CGB5: variants seen among roughly 807,000 people sequenced by gnomAD.
CGB5 encodes the protein chorionic gonadotropin, beta polypeptide 5.
A neutral mutation model predicts 7.6 loss-of-function variants in CGB5; 2 were observed. The observed-to-expected ratio is 0.26, with a 90% CI of 0.11 to 0.83. CGB5 has a LOEUF of 0.83. Among genes scored for constraint, CGB5 ranks in the 40% least tolerant of loss-of-function variants. CGB5 has a pLI of 0.65. For missense variants in CGB5, 48 were observed against 228.2 expected, an observed-to-expected ratio of 0.21 and a Z score of 5.09; for synonymous variants, 25 against 99.8, an observed-to-expected ratio of 0.25 and a Z score of 4.47.
Position 49,044,398 on chromosome 19 carries a change from C to G in CGB5, c.15+174C>G, listed in dbSNP as rs1397462633. 1.5e-5 allele frequency: 15 copies of G among 982,344 alleles called. 2 individuals are homozygous for G. In the African/African-American group the frequency reaches 2.6e-4, roughly 17 times the overall value. The allele number at this position is 982,344 out of a possible 1,614,324, so 60.9% of individuals were successfully genotyped here. ...GTGGGGATCTGAAATTTTGGGGCAT[C>G]TCAGGTCCTCTGGGCTGTGGGGTGG... On this transcript the variant is annotated intron_variant, in intron 1 of 2. Transcript: ENST00000301408.
chr19:49,044,274 C>G, intron 1 of CGB5, 50 bp downstream of exon 1: 1 of 1,612,476 alleles, frequency 6.2e-7, no homozygotes. Context: ...CAGGCAATCA[C>G]TGGCATGAGA....
chr19:49,044,934 G>T, intron 2 of CGB5, 46 bp from the exon 3 acceptor site: 2 of 1,592,160 alleles, frequency 1.3e-6, no homozygotes, highest in Non-Finnish European at 1.7e-6. Flanking sequence ...CAGCTGAGGC[G>T]CTGGCCCCAG....
intron 1 of CGB5, 99 bp from the exon 2 acceptor site, chr19:49,044,478 G>A (rs1305481201): frequency 7.1e-6 from 10 of 1,403,514 alleles, no homozygotes; most frequent in Non-Finnish European, 8.4e-6. Flanking sequence ...TGCCGGGAAG[G>A]GTCTCTGGGT....
At position 49,044,309 on chromosome 19, in the gene CGB5, G is replaced by T. The variant is rs1031808851; in HGVS notation, c.15+85G>T. 1.4e-4 allele frequency: 219 copies of T among 1,609,446 alleles called. No individual in the cohort carries two copies. In the Middle Eastern group the frequency reaches 2.9e-3, roughly 21 times the overall value. On this transcript the variant is annotated intron_variant, in intron 1 of 2. Transcript: ENST00000301408. ...AAGGGGCAGACCAGTGTGAGCTGTG[G>T]AAGGAGGCCTCTTTCTGGAGGAGCG...
At chr19:49,044,867 G>C in intron 2 of CGB5, 113 bp from the exon 3 acceptor site, 1 of 1,537,624 alleles carries the variant, frequency 6.5e-7, no homozygotes, top group East Asian at 2.3e-5. Context: ...GGGAGGGCAG[G>C]AACAGAGGGC....
At chr19:49,044,249 C>T in intron 1 of CGB5, 25 bp downstream of exon 1, 1 of 1,612,864 alleles carries the variant, frequency 6.2e-7, no homozygotes. Flanking sequence ...CCCCTGGGCA[C>T]CTTCCACCTC....
chr19:49,045,235 A>G lies in CGB5; in HGVS notation c.439A>G (p.Ser147Gly). Residue 147 changes from serine (S) to glycine (G), a missense_variant, in exon 3 of 3, where the codon AGC (serine) becomes GGC (glycine). Coordinates refer to ENST00000301408, the MANE Select transcript of CGB5 (RefSeq NM_033043.2). ...CTCTTCCTCAAAGGCCCCTCCCCCC[A>G]GCCTTCCAAGTCCATCCCGACTCCC... ...DSSSSKAPPP[S>G]LPSPSRLPGP... 6.2e-7 allele frequency: 1 copy of G among 1,601,968 alleles called. No individual in the cohort carries two copies. The highest frequency in any genetic ancestry group is 8.5e-7 in the Non-Finnish European group (1 of 1,175,044).
In CGB5 at chr19:49,044,560, C is replaced by A. The variant is rs972030258; in HGVS notation, c.16-17C>A. 6.5e-6 allele frequency: 10 copies of A among 1,530,786 alleles called. No homozygotes were observed. The highest frequency in any genetic ancestry group is 8.7e-6 in the Non-Finnish European group (10 of 1,144,092). The allele number at this position is 1,530,786 out of a possible 1,614,324, so 94.8% of individuals were successfully genotyped here. ...GCTGCGGTCTCAGACCCGGGTGAAGCAGTGTCCTTGTCCCAGGGGCTGCTG... is the reference window on the plus strand; with the variant it reads ...GCTGCGGTCTCAGACCCGGGTGAAGAAGTGTCCTTGTCCCAGGGGCTGCTG... On this transcript the variant is annotated splice_polypyrimidine_tract_variant and intron_variant, in intron 1 of 2. Coordinates refer to ENST00000301408, the MANE Select transcript of CGB5 (RefSeq NM_033043.2).
In CGB5 at chr19:49,044,232, T is replaced by C. The variant is rs2039914795; in HGVS notation, c.15+8T>C. The C allele has an allele frequency of 6.2e-7, 1 of 1,613,320 alleles. No individual in the cohort carries two copies. The highest frequency in any genetic ancestry group is 1.1e-5 in the South Asian group (1 of 91,058). On this transcript the variant is annotated splice_region_variant and intron_variant, in intron 1 of 2. Transcript: ENST00000301408. ...AGGATGGAGATGTTCCAGGTAAGAC[T>C]GCAGGGCCCCTGGGCACCTTCCACC...
chr19:49,045,300 T>C lies in CGB5; in HGVS notation c.*6T>C. The C allele has an allele frequency of 6.2e-7, 1 of 1,610,976 alleles. No homozygotes were observed. The stretch of plus-strand genomic sequence containing the variant: ...CCCCGATCCTCCCACAATAAAGGCT[T>C]CTCAATCCGCACTCTGGAGGTGTCT... On this transcript the variant is annotated 3_prime_UTR_variant, in exon 3 of 3. Coordinates refer to ENST00000301408, the MANE Select transcript of CGB5 (RefSeq NM_033043.2).
Position 49,043,993 on chromosome 19 carries a change from G to A in CGB5, c.-217G>A, listed in dbSNP as rs540432391. On this transcript the variant is annotated 5_prime_UTR_variant, in exon 1 of 3. In the 5' UTR this introduces an upstream ATG that the reference lacks. Coordinates refer to ENST00000301408, the MANE Select transcript of CGB5 (RefSeq NM_033043.2). ...ACTGAGTCTCTGAGATCACTTCACC[G>A]TGGTCTCCGCCTCACCCTTGGCGCT... 20 of 1,229,478 alleles carry A rather than the reference G, an allele frequency of 1.6e-5. 1 individual carries two copies. In the East Asian group the frequency reaches 3.3e-4, roughly 20 times the overall value. The allele number at this position is 1,229,478 out of a possible 1,614,324, so 76.2% of individuals were successfully genotyped here. A position where few individuals can be genotyped will look rare whatever the true frequency, so the allele number is the denominator to read the frequency against.
In CGB5 at chr19:49,044,382, T is replaced by C. The variant is rs374333353; in HGVS notation, c.15+158T>C. On this transcript the variant is annotated intron_variant, in intron 1 of 2. Coordinates refer to ENST00000301408, the MANE Select transcript of CGB5 (RefSeq NM_033043.2). ...GGGGCAGTTCCTAAGGGTGGGGATC[T>C]GAAATTTTGGGGCATCTCAGGTCCT... is the stretch of plus-strand genomic sequence containing the variant. 8.4e-5 allele frequency: 83 copies of C among 982,834 alleles called. 1 individual carries two copies. In the East Asian group the frequency reaches 8.4e-3, roughly 100 times the overall value. 60.9% of individuals were successfully genotyped at this position (982,834 alleles called of 1,614,324 possible).
intron 2 of CGB5, 93 bp from the exon 3 acceptor site, chr19:49,044,887 C>T: frequency 1.9e-6 from 3 of 1,578,134 alleles, no homozygotes; most frequent in South Asian, 1.1e-5. Flanking sequence ...CTTCCCGGAC[C>T]CCTGAGTCTG....
In CGB5 at chr19:49,044,389, T is replaced by C. The variant is rs868504288; in HGVS notation, c.15+165T>C. On this transcript the variant is annotated intron_variant, in intron 1 of 2. Transcript: ENST00000301408. Reference sequence around the variant, plus strand: ...TTCCTAAGGGTGGGGATCTGAAATTTTGGGGCATCTCAGGTCCTCTGGGCT... The same window carrying C: ...TTCCTAAGGGTGGGGATCTGAAATTCTGGGGCATCTCAGGTCCTCTGGGCT... The C allele has an allele frequency of 9.2e-6, 9 of 982,456 alleles. No homozygotes were observed. The Middle Eastern group carries it at 1.6e-3, about 171-fold the overall frequency. The allele number at this position is 982,456 out of a possible 1,614,324, so 60.9% of individuals were successfully genotyped here.
Position 49,044,927 on chromosome 19 carries a change from C to A in CGB5, c.184-53C>A. ...CTGTGGGGGCAACTGGGGAGCTCAG[C>A]TGAGGCGCTGGCCCCAGGCACATGC... On this transcript the variant is annotated intron_variant, in intron 2 of 2. Coordinates refer to ENST00000301408, the MANE Select transcript of CGB5 (RefSeq NM_033043.2). 1.9e-6 allele frequency: 3 copies of A among 1,592,078 alleles called. No homozygotes were observed. The South Asian group carries it at 3.3e-5, about 18-fold the overall frequency.
At chr19:49,044,877 C>T in intron 2 of CGB5, 103 bp from the exon 3 acceptor site, 1 of 1,564,402 alleles carries the variant, frequency 6.4e-7, no homozygotes, top group Non-Finnish European at 8.6e-7. Context: ...GAACAGAGGG[C>T]TTCCCGGACC....
chr19:49,044,340 C>A, intron 1 of CGB5, 116 bp downstream of exon 1: 2 of 1,605,932 alleles, frequency 1.2e-6, no homozygotes, highest in Non-Finnish European at 1.7e-6. Context: ...GAGCGTGACC[C>A]CCAGTAAGCT....
intron 1 of CGB5, 92 bp downstream of exon 1, chr19:49,044,316 G>A (rs1313131128): frequency 1.9e-6 from 3 of 1,609,490 alleles, no homozygotes; most frequent in Non-Finnish European, 2.5e-6. Flanking sequence ...GTGGAAGGAG[G>A]CCTCTTTCTG....
rs182501842 is a variant in CGB5, at chr19:49,044,132, A to G, written c.-78A>G. On this transcript the variant is annotated 5_prime_UTR_variant, in exon 1 of 3. Transcript: ENST00000301408. ...AGTGTCGAGCTCACCCCAGCATCCT[A>G]CAACCTCCTGGTGGCCTTGCCGCCC... is the stretch of plus-strand genomic sequence containing the variant. The G allele has an allele frequency of 1.5e-3, 2,457 of 1,613,680 alleles. 5 individuals are homozygous for G. The highest frequency in any genetic ancestry group is 1.9e-3 in the Non-Finnish European group (2,239 of 1,179,748).
Sources: allele counts gnomAD v4.1 joint callset, GRCh38; gene constraint gnomAD v4.1.1; transcripts MANE v1.5; gene names NCBI Gene and HGNC (gene_info 2026-07-23, HGNC 2026-07-21).